FAAH2: variants seen among roughly 807,000 people sequenced by gnomAD.
FAAH2 encodes the protein fatty acid amide hydrolase 2.
FAAH2 carries 60 observed loss-of-function variants against 36.9 expected under a neutral mutation model. That is an observed-to-expected ratio of 1.63 (90% CI 1.32 to 2.02). The LOEUF is 2.02. Ranked by LOEUF, FAAH2 falls within the 30% of genes most tolerant of loss-of-function variation. FAAH2 has a pLI of 0.00. For missense variants in FAAH2, 689 were observed against 397.5 expected (o/e 1.73, Z -6.23); for synonymous variants, 214 against 143.8 (o/e 1.49, Z -3.49).
At chrX:57,341,031 G>A (rs2053673828) in intron 4 of FAAH2, among the ~76,000 whole-genome samples, 1 of 110,916 alleles carries the variant, frequency 9.0e-6, no homozygotes, top group Non-Finnish European at 1.9e-5. Context: ...ACACAGACCC[G>A]GGGAAGAAAT....
At chrX:57,231,240 A>G in the FAAH2 span, among the ~76,000 whole-genome samples, 1 of 110,876 alleles carries the variant, frequency 9.0e-6, no homozygotes, top group Non-Finnish European at 1.9e-5. Context: ...TCTGGCCATT[A>G]TAGGTCAAGA....
the FAAH2 span, among the ~76,000 whole-genome samples, chrX:57,203,765 G>C: frequency 4.5e-5 from 5 of 112,233 alleles, no homozygotes; most frequent in African/African-American, 1.6e-4. Context: ...ATTAAGGTCA[G>C]CTGTGCCTGG....
At chrX:57,469,263 G>A (rs918520535) in intron 10 of FAAH2, among the ~76,000 whole-genome samples, 1 of 111,902 alleles carries the variant, frequency 8.9e-6, no homozygotes, top group African/African-American at 3.2e-5. Flanking sequence ...AACCTTAAAT[G>A]TCAATGGGCT....
At chrX:57,171,442 A>G in the FAAH2 span, among the ~76,000 whole-genome samples, 1 of 111,775 alleles carries the variant, frequency 8.9e-6, no homozygotes, top group Non-Finnish European at 1.9e-5. Flanking sequence ...ACTTTTTAAT[A>G]ATGGCTATTA....
intron 5 of FAAH2, among the ~76,000 whole-genome samples, chrX:57,358,569 G>T (rs189278925): frequency 1.3e-3 from 143 of 111,333 alleles, no homozygotes; most frequent in African/African-American, 4.4e-3. Context: ...ATGTGTGTGT[G>T]TGTATATATA....
intron 10 of FAAH2, among the ~76,000 whole-genome samples, chrX:57,482,241 G>A (rs1441783985): frequency 9.0e-6 from 1 of 111,452 alleles, no homozygotes; most frequent in Non-Finnish European, 1.9e-5. Context: ...TTCCAGGAGA[G>A]TGAACAGTTG....
At chrX:57,352,093 C>CATATAT (rs1569284053) in intron 5 of FAAH2, among the ~76,000 whole-genome samples, 25 of 2,237 alleles carry the variant, frequency 0.011, no homozygotes, top group African/African-American at 0.022. Context: ...TATATATATG[C>CATATAT]ACATATATAT....
intron 7 of FAAH2, among the ~76,000 whole-genome samples, chrX:57,385,846 T>G (rs1206348634): frequency 9.2e-6 from 1 of 108,577 alleles, no homozygotes; most frequent in African/African-American, 3.4e-5. Context: ...AGGCGGAGCT[T>G]GCAGTGAGTG....
the FAAH2 span, among the ~76,000 whole-genome samples, chrX:57,175,987 C>T: frequency 9.0e-6 from 1 of 111,478 alleles, no homozygotes; most frequent in African/African-American, 3.3e-5. Context: ...ATGCTTTTGT[C>T]TCACTGCTTT....
chrX:57,375,348 C>G (rs917867107), intron 5 of FAAH2, among the ~76,000 whole-genome samples: 2 of 88,433 alleles, frequency 2.3e-5, no homozygotes, highest in Admixed American at 2.7e-4. Flanking sequence ...CCATCTGGTA[C>G]TGCACTTTTT....
chrX:57,205,270 C>T, the FAAH2 span, among the ~76,000 whole-genome samples: 60 of 112,523 alleles, frequency 5.3e-4, no homozygotes, highest in Non-Finnish European at 1.0e-3. Context: ...GCTTTTGAGA[C>T]CAGAGGCATT....
At chrX:57,157,568 C>T in the FAAH2 span, among the ~76,000 whole-genome samples, 1 of 111,547 alleles carries the variant, frequency 9.0e-6, no homozygotes, top group South Asian at 3.8e-4. Context: ...ACAGATTCTT[C>T]TGGCTGCCCT....
the FAAH2 span, among the ~76,000 whole-genome samples, chrX:57,267,179 C>G: frequency 8.9e-6 from 1 of 112,688 alleles, no homozygotes; most frequent in African/African-American, 3.2e-5. Context: ...TGCAGCTTCT[C>G]ATGAGCCCAT....
intron 5 of FAAH2, among the ~76,000 whole-genome samples, chrX:57,367,929 G>A (rs972999829): frequency 8.9e-6 from 1 of 111,912 alleles, no homozygotes; most frequent in African/African-American, 3.3e-5. Context: ...AGCTGCTGCT[G>A]CACAGTGCTA....
the FAAH2 span, among the ~76,000 whole-genome samples, chrX:57,190,456 A>AG: frequency 5.0e-4 from 55 of 109,020 alleles, no homozygotes; most frequent in African/African-American, 1.8e-3. Flanking sequence ...AAAAAAAAAA[A>AG]AAAAAAACTT....
At chrX:57,247,018 C>A in the FAAH2 span, among the ~76,000 whole-genome samples, 107 of 111,402 alleles carry the variant, frequency 9.6e-4, no homozygotes, top group East Asian at 0.028. Context: ...ATTTTATATA[C>A]TTTTCATATT....
At chrX:57,237,549 C>T in the FAAH2 span, among the ~76,000 whole-genome samples, 4 of 109,916 alleles carry the variant, frequency 3.6e-5, no homozygotes, top group African/African-American at 1.3e-4. Context: ...TTTCATGAAC[C>T]TATCTATTCT....
chrX:57,354,183 A>G (rs73224053), intron 5 of FAAH2, among the ~76,000 whole-genome samples: 34 of 111,235 alleles, frequency 3.1e-4, no homozygotes, highest in Non-Finnish European at 6.1e-4. Flanking sequence ...TATGGAATCA[A>G]CCTAAGTGTT....
the FAAH2 span, among the ~76,000 whole-genome samples, chrX:57,156,347 G>A: frequency 4.5e-5 from 5 of 111,904 alleles, no homozygotes; most frequent in Non-Finnish European, 1.9e-5. Context: ...CCTCTGAGAG[G>A]TTCTATATCT....
Sources: allele counts gnomAD v4.1 joint callset (sites outside exome capture counted in the v4.1 genomes callset), GRCh38; gene constraint gnomAD v4.1.1; transcripts MANE v1.5; gene names NCBI Gene and HGNC (gene_info 2026-07-23, HGNC 2026-07-21).